Variants in SIPA1L3 observed in about 807,000 individuals in gnomAD.
The protein encoded by SIPA1L3 is signal induced proliferation associated 1 like 3, also known as signal-induced proliferation-associated 1-like protein 3.
Under a neutral mutation model 150.1 loss-of-function variants are expected in SIPA1L3, and 59 were observed. That is an observed-to-expected ratio of 0.39 (90% confidence interval 0.32 to 0.49). The LOEUF (loss-of-function observed/expected upper bound fraction) is 0.49, where lower values mean the gene tolerates loss of function less well. Ranked by LOEUF, SIPA1L3 falls within the 20% of genes least tolerant of loss-of-function variation. The pLI, the probability that SIPA1L3 is intolerant of heterozygous loss-of-function variation, is 0.86. For synonymous variants in SIPA1L3, 1,070 were observed against 1,077.6 expected (o/e 0.99, Z 0.14); for missense variants, 2,211 against 2,489.5 (o/e 0.89, Z 2.38).
At chr19:38,196,465 AGG>A in intron 18 of SIPA1L3, among the ~76,000 whole-genome samples, 1 of 146,516 alleles carries the variant, frequency 6.8e-6, no homozygotes, top group South Asian at 2.2e-4. Context: ...CGGAGTGTGG[AGG>A]TCAAGGGCAG....
chr19:38,026,467 C>T (rs1420394109), intron 1 of SIPA1L3, among the ~76,000 whole-genome samples: 2 of 152,124 alleles, frequency 1.3e-5, no homozygotes, highest in Non-Finnish European at 2.9e-5. Context: ...ACCAGTCCCA[C>T]CTCCACCCAC....
intron 18 of SIPA1L3, 91 bp downstream of exon 18, chr19:38,193,871 G>C (rs866835722): frequency 7.4e-6 from 10 of 1,355,414 alleles, no homozygotes; most frequent in Non-Finnish European, 9.6e-6. Context: ...GAGGTCAAAG[G>C]CTAGAGGTCA....
chr19:38,005,950 AG>A (rs1329648459), intron 1 of SIPA1L3, among the ~76,000 whole-genome samples: 1 of 152,186 alleles, frequency 6.6e-6, no homozygotes, highest in Non-Finnish European at 1.5e-5. Context: ...TGGGAGGCTG[AG>A]GGGGGAAGAT....
chr19:37,922,522 TA>T (rs2046465535), intron 1 of SIPA1L3, among the ~76,000 whole-genome samples: 1 of 151,828 alleles, frequency 6.6e-6, no homozygotes, highest in African/African-American at 2.4e-5. Context: ...GCCTCCCGAG[TA>T]GCTGGGACTA....
intron 13 of SIPA1L3, among the ~76,000 whole-genome samples, chr19:38,155,981 T>A (rs1052961812): frequency 6.6e-6 from 1 of 152,108 alleles, no homozygotes; most frequent in Non-Finnish European, 1.5e-5. Context: ...CTCAGGAGGC[T>A]GAGGCAGGAG....
At chr19:38,148,122 G>A (rs1971739822) in intron 12 of SIPA1L3, among the ~76,000 whole-genome samples, 1 of 152,070 alleles carries the variant, frequency 6.6e-6, no homozygotes, top group Non-Finnish European at 1.5e-5. Flanking sequence ...GGAGGCTGAG[G>A]CGGGTGGATC....
intron 6 of SIPA1L3, among the ~76,000 whole-genome samples, chr19:38,105,176 T>TGAAACC (rs1211232815): frequency 1.3e-5 from 2 of 151,818 alleles, no homozygotes; most frequent in African/African-American, 4.8e-5. Context: ...GGCAATGTGG[T>TGAAACC]GAAACCCCAT....
intron 1 of SIPA1L3, among the ~76,000 whole-genome samples, chr19:37,944,473 C>G (rs1174081246): frequency 6.6e-6 from 1 of 152,100 alleles, no homozygotes; most frequent in African/African-American, 2.4e-5. Flanking sequence ...GAACTTGGGC[C>G]TTTACTTAAT....
chr19:38,070,256 C>A (rs1388417369), intron 2 of SIPA1L3, among the ~76,000 whole-genome samples: 2 of 147,508 alleles, frequency 1.4e-5, no homozygotes, highest in East Asian at 3.9e-4. Flanking sequence ...GTCACCCAGG[C>A]TGGAGTGCAG....
At position 37,949,633 on chromosome 19, in the gene SIPA1L3, C is replaced by G. The variant is rs1236661438; in HGVS notation, c.-379+42275C>G. ...TAAGCTGAGATCCCGCCATTGCACT[C>G]CAGCCTGGGAGACGAGAGAAACTCT... On this transcript the variant is annotated intron_variant, in intron 1 of 21. Coordinates refer to ENST00000222345, the MANE Select transcript of SIPA1L3 (RefSeq NM_015073.3). Among the ~76,000 whole-genome samples the G allele has an allele frequency of 2.0e-5, 3 of 151,728 alleles. No individual in the cohort carries two copies. The South Asian group carries it at 6.2e-4, about 32-fold the overall frequency.
chr19:38,133,344 G>C (rs932384962), intron 10 of SIPA1L3, among the ~76,000 whole-genome samples: 1 of 152,218 alleles, frequency 6.6e-6, no homozygotes, highest in African/African-American at 2.4e-5. Flanking sequence ...TCTTCATTCT[G>C]TCATTCCTTC....
At chr19:38,067,604 A>C (rs1384117503) in intron 2 of SIPA1L3, among the ~76,000 whole-genome samples, 1 of 152,084 alleles carries the variant, frequency 6.6e-6, no homozygotes, top group Non-Finnish European at 1.5e-5. Context: ...TCTACTAAAA[A>C]TACAAAAATT....
intron 12 of SIPA1L3, among the ~76,000 whole-genome samples, chr19:38,144,254 G>T (rs7250034): frequency 0.18 from 27,916 of 152,274 alleles, 2,965 homozygotes; most frequent in African/African-American, 0.29. Context: ...GTGCATGTAT[G>T]TGCACCTGTA....
chr19:37,990,171 G>A (rs2145633532), intron 1 of SIPA1L3, among the ~76,000 whole-genome samples: 1 of 152,164 alleles, frequency 6.6e-6, no homozygotes, highest in Non-Finnish European at 1.5e-5. Flanking sequence ...AACCACCCTG[G>A]AAGAATTCCC....
At chr19:38,042,131 A>C (rs951725385) in intron 2 of SIPA1L3, among the ~76,000 whole-genome samples, 1 of 152,172 alleles carries the variant, frequency 6.6e-6, no homozygotes, top group Non-Finnish European at 1.5e-5. Flanking sequence ...GCCAAAGCCA[A>C]TGTTGAGGAG....
intron 1 of SIPA1L3, among the ~76,000 whole-genome samples, chr19:38,019,001 C>T (rs374892572): frequency 3.3e-5 from 5 of 152,136 alleles, no homozygotes; most frequent in South Asian, 2.1e-4. Flanking sequence ...CTAGCTTTCT[C>T]CCTGGTGTTG....
Position 38,201,896 on chromosome 19 carries a change from C to T in SIPA1L3, c.5019C>T (p.Asp1673=), listed in dbSNP as rs948466128. The change falls in exon 20 of 22, where the codon GAC becomes GAT. Residue 1673 remains aspartate, a synonymous_variant. Coordinates refer to ENST00000222345, the MANE Select transcript of SIPA1L3 (RefSeq NM_015073.3). Reference sequence around the variant, plus strand: ...CCGTCTCACTCTTCTCTCTGAACGACCCGGCCCTGAGCCCGGACATCCCGC... The same window carrying T: ...CCGTCTCACTCTTCTCTCTGAACGATCCGGCCCTGAGCCCGGACATCCCGC... ...QRAVSLFSLN[D]PALSPDIPPA... is the part of the protein sequence containing the mutation. The T allele has an allele frequency of 6.2e-7, 1 of 1,613,854 alleles. No individual in the cohort carries two copies. The highest frequency in any genetic ancestry group is 8.5e-7 in the Non-Finnish European group (1 of 1,179,864).
chr19:38,168,431 T>C (rs1196841499), intron 15 of SIPA1L3, among the ~76,000 whole-genome samples: 1 of 150,420 alleles, frequency 6.6e-6, no homozygotes, highest in Non-Finnish European at 1.5e-5. Flanking sequence ...TACATTGCAC[T>C]CCAGCCTGGG....
intron 2 of SIPA1L3, among the ~76,000 whole-genome samples, chr19:38,045,565 T>A (rs1175508331): frequency 6.6e-6 from 1 of 151,662 alleles, no homozygotes; most frequent in Admixed American, 6.6e-5. Context: ...GAGCAAGACC[T>A]TGTCTCAGGA....
Sources: allele counts gnomAD v4.1 joint callset (sites outside exome capture counted in the v4.1 genomes callset), GRCh38; gene constraint gnomAD v4.1.1; transcripts MANE v1.5; gene names NCBI Gene and HGNC (gene_info 2026-07-23, HGNC 2026-07-21).